ZNF69: variants seen among roughly 807,000 people sequenced by gnomAD.
The protein encoded by ZNF69 is zinc finger protein 69, also known as ZNF3.
ZNF69 carries 47 observed loss-of-function variants against 50.9 expected under a neutral mutation model. That is an observed-to-expected ratio of 0.92 (90% CI 0.73 to 1.18). The LOEUF is 1.18. Ranked by LOEUF, ZNF69 falls within the 50% of genes most tolerant of loss-of-function variation. ZNF69 has a pLI of 0.00. For synonymous variants in ZNF69, 216 were observed against 223.1 expected (o/e 0.97, Z 0.29); for missense variants, 717 against 675.1 (o/e 1.06, Z -0.69).
the ZNF69 span, chr19:11,977,572 CA>C: frequency 8.9e-7 from 1 of 1,127,552 alleles, no homozygotes; most frequent in Non-Finnish European, 1.3e-6. Flanking sequence ...CATATATTTA[CA>C]TGTGACTAAG....
the ZNF69 span, among the ~76,000 whole-genome samples, chr19:11,941,710 C>G: frequency 2.6e-4 from 40 of 152,220 alleles, no homozygotes; most frequent in African/African-American, 8.9e-4. Context: ...AGGGAGCCGG[C>G]TCCCGCCTTG....
the ZNF69 span, chr19:11,949,213 A>T: frequency 7.4e-6 from 12 of 1,613,782 alleles, no homozygotes; most frequent in Non-Finnish European, 1.0e-5. Flanking sequence ...GCAATGTGGT[A>T]AAGCCTTCAA....
rs752500175 is a variant in ZNF69, at chr19:11,905,668, C to T, written c.1271C>T (p.Ala424Val). Residue 424 changes from alanine (A) to valine (V), a missense_variant, in exon 4 of 4, where the codon GCC becomes GTC. Coordinates refer to ENST00000429654, the MANE Select transcript of ZNF69 (RefSeq NM_001364730.1). ...TATGAGTGTAAGCAATGTGGGAAGG[C>T]CTTCAGATCTTCCTCACACCTTCAA... is the stretch of plus-strand genomic sequence containing the variant. Reference protein sequence around the residue: ...KPYECKQCGKAFRSSSHLQLH... With the variant: ...KPYECKQCGKVFRSSSHLQLH... 3 of 1,613,912 alleles carry T rather than the reference C, an allele frequency of 1.9e-6. No homozygotes were observed. The highest frequency in any genetic ancestry group is 2.5e-6 in the Non-Finnish European group (3 of 1,179,976).
chr19:11,977,349 C>T, the ZNF69 span: 29,176 of 1,609,158 alleles, frequency 0.018, 315 homozygotes, highest in African/African-American at 0.026. Flanking sequence ...TTCAGGACTA[C>T]TTTTCTGTGT....
the ZNF69 span, among the ~76,000 whole-genome samples, chr19:11,934,454 T>C: frequency 6.7e-6 from 1 of 148,422 alleles, no homozygotes; most frequent in Non-Finnish European, 1.5e-5. Context: ...TGTCAGTGTT[T>C]TGGATTTTAG....
chr19:11,953,637 G>T, the ZNF69 span, among the ~76,000 whole-genome samples: 1 of 152,170 alleles, frequency 6.6e-6, no homozygotes, highest in African/African-American at 2.4e-5. Context: ...GTATTTCCAA[G>T]ACTAAAACTC....
chr19:11,944,043 C>T, the ZNF69 span, among the ~76,000 whole-genome samples: 2 of 152,150 alleles, frequency 1.3e-5, no homozygotes, highest in African/African-American at 2.4e-5. Context: ...TGGTCCCTTC[C>T]ACCATGGGCA....
At chr19:11,908,367 A>G (rs1198613301), downstream of ZNF69, among the ~76,000 whole-genome samples, 2 of 152,218 alleles carry the variant, frequency 1.3e-5, no homozygotes, top group Non-Finnish European at 2.9e-5. Flanking sequence ...AACAGAATAT[A>G]CATTCTTCTC....
intron 4 of ZNF69, chr19:11,913,392 TC>T: frequency 3.4e-6 from 2 of 584,324 alleles, no homozygotes; most frequent in South Asian, 1.9e-5. Context: ...ATTTTTCTTA[TC>T]TTTTTTTTTT....
chr19:11,974,846 G>A, the ZNF69 span, among the ~76,000 whole-genome samples: 4 of 152,112 alleles, frequency 2.6e-5, no homozygotes, highest in Admixed American at 6.5e-5. Flanking sequence ...CAAGTGATAC[G>A]CCTGCCTTGG....
chr19:11,908,665 T>A (rs1362413838), downstream of ZNF69, among the ~76,000 whole-genome samples: 1 of 152,140 alleles, frequency 6.6e-6, no homozygotes, highest in Non-Finnish European at 1.5e-5. Flanking sequence ...GGGACACATT[T>A]AAAGCAGTTT....
the ZNF69 span, chr19:11,956,582 G>A: frequency 1.0e-5 from 4 of 398,500 alleles, no homozygotes; most frequent in African/African-American, 4.1e-5. Flanking sequence ...CACACCAGGC[G>A]CAGTGGCTCA....
chr19:11,970,497 T>C, the ZNF69 span, among the ~76,000 whole-genome samples: 1 of 152,244 alleles, frequency 6.6e-6, no homozygotes, highest in African/African-American at 2.4e-5. Flanking sequence ...CAGGTAACTC[T>C]AGAATTAATT....
the ZNF69 span, among the ~76,000 whole-genome samples, chr19:11,960,547 G>A: frequency 5.3e-5 from 8 of 151,884 alleles, no homozygotes; most frequent in South Asian, 2.1e-4. Flanking sequence ...TCCTGCCTTC[G>A]CCTCCCAAGG....
the ZNF69 span, among the ~76,000 whole-genome samples, chr19:11,939,047 T>C: frequency 3.5e-4 from 53 of 152,372 alleles, no homozygotes; most frequent in Middle Eastern, 3.4e-3. Flanking sequence ...TCTGTTCATG[T>C]CCTTTGCCCA....
At chr19:11,954,778 G>A in the ZNF69 span, among the ~76,000 whole-genome samples, 1 of 152,084 alleles carries the variant, frequency 6.6e-6, no homozygotes, top group African/African-American at 2.4e-5. Flanking sequence ...CTGTGATTGT[G>A]CCCCTGCACT....
the ZNF69 span, among the ~76,000 whole-genome samples, chr19:11,963,088 A>AGAGAGAGAGAGAGAGTGTGT: frequency 7.2e-6 from 1 of 138,246 alleles, no homozygotes; most frequent in Non-Finnish European, 1.5e-5. Context: ...AGAGAGAGAG[A>AGAGAGAGAGAGAGAGTGTGT]GTGTGTGTGT....
At chr19:11,926,764 A>G in the ZNF69 span, 1 of 154,260 alleles carries the variant, frequency 6.5e-6, no homozygotes, top group Admixed American at 6.5e-5. Flanking sequence ...CAAACCAGAT[A>G]AATGCTTGAT....
the ZNF69 span, among the ~76,000 whole-genome samples, chr19:11,938,315 A>G: frequency 9.2e-5 from 14 of 152,128 alleles, no homozygotes; most frequent in Non-Finnish European, 1.0e-4. Context: ...TACATGTGAC[A>G]TGTTGGTGTG....
Sources: gnomAD v4.1 joint callset for allele counts (sites outside exome capture counted in the v4.1 genomes callset) on GRCh38, gnomAD v4.1.1 for gene constraint, MANE v1.5 for transcripts, NCBI Gene and HGNC (gene_info 2026-07-23, HGNC 2026-07-21) for gene names.